MAGI3: variants seen among roughly 807,000 people sequenced by gnomAD.
The protein encoded by MAGI3 is membrane-associated guanylate kinase, WW and PDZ domain-containing protein 3.
A neutral mutation model predicts 121.8 loss-of-function variants in MAGI3; 43 were observed. That is an observed-to-expected ratio of 0.35 (90% CI 0.28 to 0.46). The LOEUF (loss-of-function observed/expected upper bound fraction) is 0.46. Ranked by LOEUF, MAGI3 falls within the 20% of genes least tolerant of loss-of-function variation. MAGI3 has a pLI of 1.00. For missense variants in MAGI3, 1,547 were observed against 1,797.3 expected, an observed-to-expected ratio of 0.86 and a Z score of 2.52; for synonymous variants, 553 against 639.3, an observed-to-expected ratio of 0.86 and a Z score of 2.04.
chr1:113,472,252 G>A (rs1392807309), intron 1 of MAGI3, among the ~76,000 whole-genome samples: 1 of 151,108 alleles, frequency 6.6e-6, no homozygotes, highest in African/African-American at 2.4e-5. Flanking sequence ...ACCCAGGCTG[G>A]AGTGCAGTGG....
In MAGI3 at chr1:113,684,276, C is replaced by A; in HGVS notation, c.*262C>A. ...CCCGCCCTGCTCAGGCTGCCCAGCT[C>A]GTCTTCATGAGTGTCTGAACAAATG... On this transcript the variant is annotated 3_prime_UTR_variant, in exon 21 of 21. Coordinates refer to ENST00000307546, the MANE Select transcript of MAGI3 (RefSeq NM_001142782.2). 3.3e-6 allele frequency: 1 copy of A among 299,548 alleles called. No individual in the cohort carries two copies. Among genetic ancestry groups the A allele is most frequent in the Non-Finnish European group, 6.2e-6 (1 of 162,220 alleles). The allele number at this position is 299,548 out of a possible 1,614,324, so 18.6% of individuals were successfully genotyped here.
At chr1:113,441,912 G>A (rs1048091756) in intron 1 of MAGI3, among the ~76,000 whole-genome samples, 1 of 152,138 alleles carries the variant, frequency 6.6e-6, no homozygotes, top group African/African-American at 2.4e-5. Context: ...TACTCAGAGA[G>A]CTTAGAGATC....
At chr1:113,645,556 A>G (rs1285585159) in intron 11 of MAGI3, among the ~76,000 whole-genome samples, 2 of 152,126 alleles carry the variant, frequency 1.3e-5, no homozygotes, top group African/African-American at 4.8e-5. Context: ...ACCGCCTCTG[A>G]CAGAATGCTA....
At chr1:113,680,589 C>T (rs1001987120) in intron 19 of MAGI3, among the ~76,000 whole-genome samples, 5 of 151,940 alleles carry the variant, frequency 3.3e-5, no homozygotes, top group Non-Finnish European at 5.9e-5. Flanking sequence ...AACCCCATCT[C>T]TACTAAAAAT....
chr1:113,393,679 T>C (rs1276514431), intron 1 of MAGI3, among the ~76,000 whole-genome samples: 2 of 152,212 alleles, frequency 1.3e-5, no homozygotes, highest in East Asian at 3.8e-4. Context: ...TTGAGTTTGA[T>C]TAAAAACAAA....
At chr1:113,517,331 TTA>T (rs1657976158) in intron 1 of MAGI3, among the ~76,000 whole-genome samples, 1 of 151,664 alleles carries the variant, frequency 6.6e-6, no homozygotes, top group African/African-American at 2.4e-5. Context: ...AAAGTTTTAT[TTA>T]TTTTTTTTAA....
chr1:113,465,732 T>G (rs1410086214), intron 1 of MAGI3, among the ~76,000 whole-genome samples: 1 of 152,138 alleles, frequency 6.6e-6, no homozygotes, highest in Non-Finnish European at 1.5e-5. Flanking sequence ...TTTGGTTGAT[T>G]CCCAGGATTT....
intron 1 of MAGI3, among the ~76,000 whole-genome samples, chr1:113,527,172 G>A (rs372633362): frequency 6.6e-6 from 1 of 152,078 alleles, no homozygotes; most frequent in Admixed American, 6.6e-5. Flanking sequence ...GGGAGAAAAA[G>A]AGCCAAGGCT....
At chr1:113,668,842 A>G (rs1647347005) in intron 16 of MAGI3, among the ~76,000 whole-genome samples, 2 of 151,638 alleles carry the variant, frequency 1.3e-5, no homozygotes, top group Admixed American at 1.3e-4. Context: ...TCAGCCTCCC[A>G]AAGTGCTGGG....
intron 2 of MAGI3, among the ~76,000 whole-genome samples, chr1:113,557,498 C>G (rs891080099): frequency 2.0e-4 from 30 of 152,212 alleles, no homozygotes; most frequent in African/African-American, 7.0e-4. Flanking sequence ...CTCAGCTGAT[C>G]CTCCCAGCTG....
chr1:113,623,420 C>CAT (rs1176534906), intron 9 of MAGI3, among the ~76,000 whole-genome samples: 5 of 146,870 alleles, frequency 3.4e-5, no homozygotes, highest in African/African-American at 7.8e-5. Context: ...TATACACACA[C>CAT]ATATATATAA....
rs1194367150 is a variant in MAGI3 at position 113,673,353 on chromosome 1, G to T, written c.3077G>T (p.Arg1026Ile). The change falls in exon 19 of 21, where the codon AGA becomes ATA. Residue 1026 changes from arginine (R) to isoleucine (I), a missense_variant. Physicochemically the swap from Arg to Ile is moderately conservative, Grantham distance 97. Coordinates refer to ENST00000307546, the MANE Select transcript of MAGI3 (RefSeq NM_001142782.2). The part of the protein sequence containing the change: ...NLGCYPVELE[R>I]GPRGFGFSLR... ...GGTTGTTATCCAGTAGAGCTGGAGA[G>T]AGGCCCCCGGGGCTTTGGATTCAGC... 1.2e-6 allele frequency: 2 copies of T among 1,611,588 alleles called. No homozygotes were observed. The highest frequency in any genetic ancestry group is 1.7e-6 in the Non-Finnish European group (2 of 1,179,580).
intron 2 of MAGI3, among the ~76,000 whole-genome samples, chr1:113,557,145 C>A (rs1175049128): frequency 6.6e-6 from 1 of 151,350 alleles, no homozygotes; most frequent in African/African-American, 2.4e-5. Flanking sequence ...AAGGGAGCGT[C>A]CCCCCAGCAG....
intron 1 of MAGI3, among the ~76,000 whole-genome samples, chr1:113,429,631 C>T (rs1653198463): frequency 1.3e-5 from 2 of 152,104 alleles, no homozygotes. Flanking sequence ...CGGAAAGTGA[C>T]CAGTCAGAGG....
At chr1:113,552,819 T>C (rs1415919208) in intron 2 of MAGI3, among the ~76,000 whole-genome samples, 1 of 152,204 alleles carries the variant, frequency 6.6e-6, no homozygotes, top group Non-Finnish European at 1.5e-5. Context: ...GACACATCAG[T>C]AGCAGGTAGC....
At chr1:113,623,384 A>G (rs188610485) in intron 9 of MAGI3, among the ~76,000 whole-genome samples, 3 of 150,224 alleles carry the variant, frequency 2.0e-5, no homozygotes, top group Admixed American at 2.0e-4. Context: ...ACTAGGTCTT[A>G]TTCATTCCTT....
At chr1:113,483,029 GA>G (rs1052106371) in intron 1 of MAGI3, among the ~76,000 whole-genome samples, 8 of 151,844 alleles carry the variant, frequency 5.3e-5, no homozygotes, top group Non-Finnish European at 1.2e-4. Context: ...TTCTGTTTTC[GA>G]ACTTCTGAGC....
At chr1:113,407,412 G>C (rs1002647110) in intron 1 of MAGI3, among the ~76,000 whole-genome samples, 2 of 152,080 alleles carry the variant, frequency 1.3e-5, no homozygotes, top group African/African-American at 4.8e-5. Flanking sequence ...TGAGTAACTG[G>C]TGGTGGTACT....
intron 15 of MAGI3, among the ~76,000 whole-genome samples, chr1:113,655,320 T>G (rs1653411009): frequency 6.6e-6 from 1 of 152,178 alleles, no homozygotes; most frequent in South Asian, 2.1e-4. Flanking sequence ...AGTAGATAGA[T>G]GCTAACCACT....
Sources: allele counts gnomAD v4.1 joint callset (sites outside exome capture counted in the v4.1 genomes callset), GRCh38; gene constraint gnomAD v4.1.1; transcripts MANE v1.5; gene names NCBI Gene and HGNC (gene_info 2026-07-23, HGNC 2026-07-21).